The following FAM174B variants were observed in gnomAD, a reference collection of about 807,000 sequenced individuals.
FAM174B encodes the protein membrane protein FAM174B.
A neutral mutation model predicts 10.9 loss-of-function variants in FAM174B; 12 were observed. The ratio of observed to expected loss-of-function variants is 1.10; its 90% CI spans 0.71 to 1.79. The LOEUF is 1.79. Among genes scored for constraint, FAM174B ranks in the 40% most tolerant of loss-of-function variants. The pLI is 0.00. For synonymous variants in FAM174B, 132 were observed against 115.8 expected (o/e 1.14, Z -0.90); for missense variants, 266 against 233.3 (o/e 1.14, Z -0.91).
intron 1 of FAM174B, among the ~76,000 whole-genome samples, chr15:92,641,757 T>C (rs1425932281): frequency 1.3e-5 from 2 of 152,000 alleles, no homozygotes; most frequent in East Asian, 1.9e-4. Context: ...GATTAGACAA[T>C]GGCTTATTAA....
chr15:92,620,204 C>G lies in FAM174B; in HGVS notation c.477-745G>C, dbSNP rs558326643. ...GGGCCCACACCACAGTGTCAGAAAA[C>G]ATAAGAAGTACAAGAAATAAGTTTA... On this transcript the variant is annotated intron_variant, in intron 2 of 2. Transcript: ENST00000327355. 1.7e-4 allele frequency among the ~76,000 whole-genome samples: 26 copies of G among 152,324 alleles called. No individual in the cohort carries two copies. The South Asian group carries it at 2.5e-3, about 15-fold the overall frequency.
chr15:92,643,038 T>C (rs187903506), intron 1 of FAM174B, among the ~76,000 whole-genome samples: 8 of 152,340 alleles, frequency 5.3e-5, no homozygotes, highest in Admixed American at 2.0e-4. Flanking sequence ...GATTCATGGT[T>C]TCAGTCTGGA....
chr15:92,643,182 T>C (rs2141961398), intron 1 of FAM174B, among the ~76,000 whole-genome samples: 1 of 152,086 alleles, frequency 6.6e-6, no homozygotes, highest in East Asian at 1.9e-4. Flanking sequence ...TTGACCAGGC[T>C]GGTCCAAACT....
chr15:92,655,168 C>G, intron 1 of FAM174B, 148 bp downstream of exon 1: 1 of 1,172,270 alleles, frequency 8.5e-7, no homozygotes, highest in Non-Finnish European at 1.1e-6. Context: ...GCCCCCCACC[C>G]ACTCTCCCGG....
intron 1 of FAM174B, 120 bp downstream of exon 1, chr15:92,655,196 C>A: frequency 2.2e-6 from 3 of 1,369,356 alleles, no homozygotes; most frequent in Non-Finnish European, 2.8e-6. Context: ...AGGAGGCACA[C>A]GGCTGGCTGG....
At chr15:92,640,924 C>G (rs958087643) in intron 1 of FAM174B, among the ~76,000 whole-genome samples, 1 of 152,094 alleles carries the variant, frequency 6.6e-6, no homozygotes, top group East Asian at 1.9e-4. Flanking sequence ...GGATTACAGG[C>G]ATGAGCCACC....
At chr15:92,653,970 G>C (rs889795114) in intron 1 of FAM174B, among the ~76,000 whole-genome samples, 2 of 152,238 alleles carry the variant, frequency 1.3e-5, no homozygotes, top group African/African-American at 4.8e-5. Flanking sequence ...AGGCCAGTGG[G>C]TAGAGTGGGA....
chr15:92,647,631 C>T (rs1374325737), intron 1 of FAM174B, among the ~76,000 whole-genome samples: 2 of 152,172 alleles, frequency 1.3e-5, no homozygotes, highest in Admixed American at 6.5e-5. Context: ...CAAAACAAGG[C>T]TCTTTGTGGC....
At chr15:92,642,811 T>A (rs940846435) in intron 1 of FAM174B, among the ~76,000 whole-genome samples, 2 of 152,066 alleles carry the variant, frequency 1.3e-5, no homozygotes, top group African/African-American at 4.8e-5. Flanking sequence ...GATGAATGGG[T>A]AAATAAAAGA....
At chr15:92,637,055 G>A (rs1223352749) in intron 1 of FAM174B, among the ~76,000 whole-genome samples, 1 of 152,214 alleles carries the variant, frequency 6.6e-6, no homozygotes, top group Non-Finnish European at 1.5e-5. Context: ...TGCCCTGGGT[G>A]AAGCCCCTCC....
intron 1 of FAM174B, among the ~76,000 whole-genome samples, chr15:92,653,881 C>T (rs550194193): frequency 6.6e-6 from 1 of 152,238 alleles, no homozygotes; most frequent in African/African-American, 2.4e-5. Context: ...CTTGCAAGGG[C>T]CCCAAATGCC....
At chr15:92,650,175 T>C (rs2050956687) in intron 1 of FAM174B, among the ~76,000 whole-genome samples, 1 of 152,224 alleles carries the variant, frequency 6.6e-6, no homozygotes, top group African/African-American at 2.4e-5. Flanking sequence ...ACTTTTCTTA[T>C]AACAAATGTA....
intron 1 of FAM174B, among the ~76,000 whole-genome samples, chr15:92,651,019 A>C (rs929621673): frequency 6.6e-6 from 1 of 152,250 alleles, no homozygotes; most frequent in African/African-American, 2.4e-5. Context: ...GATTCTACAG[A>C]TGGGGAAATC....
intron 1 of FAM174B, among the ~76,000 whole-genome samples, chr15:92,631,453 AAT>A (rs2050816805): frequency 1.6e-5 from 1 of 63,316 alleles, no homozygotes; most frequent in East Asian, 4.3e-4. Context: ...TATATAACAT[AAT>A]ATATATTATA....
At chr15:92,627,029 G>A (rs1185927032) in intron 2 of FAM174B, 1 of 152,006 alleles carries the variant, frequency 6.6e-6, no homozygotes, top group Non-Finnish European at 1.5e-5. Flanking sequence ...TCTGGCCCGG[G>A]CGGCAGAGCG....
At chr15:92,630,845 CATATTACA>C (rs2050791789) in intron 1 of FAM174B, among the ~76,000 whole-genome samples, 1 of 22,330 alleles carries the variant, frequency 4.5e-5, no homozygotes, top group Non-Finnish European at 2.5e-4. Context: ...ATATATATTA[CATATTACA>C]TGTTACATAT....
intron 1 of FAM174B, among the ~76,000 whole-genome samples, chr15:92,638,139 C>T (rs575695674): frequency 1.3e-5 from 2 of 152,278 alleles, no homozygotes; most frequent in South Asian, 4.2e-4. Context: ...CTACTGTTAA[C>T]CAGGAGGCCT....
chr15:92,645,889 G>A (rs138848249), intron 1 of FAM174B, among the ~76,000 whole-genome samples: 129 of 152,262 alleles, frequency 8.5e-4, no homozygotes, highest in Non-Finnish European at 1.6e-3. Flanking sequence ...CTAGGCAGAT[G>A]CTCCCAATGC....
At chr15:92,631,421 ATATAT>A (rs2050815129) in intron 1 of FAM174B, among the ~76,000 whole-genome samples, 1 of 43,974 alleles carries the variant, frequency 2.3e-5, no homozygotes, top group South Asian at 4.5e-4. Flanking sequence ...ATAATATATA[ATATAT>A]AATATAATAT....
Sources: allele counts gnomAD v4.1 joint callset (sites outside exome capture counted in the v4.1 genomes callset), GRCh38; gene constraint gnomAD v4.1.1; transcripts MANE v1.5; gene names NCBI Gene and HGNC (gene_info 2026-07-23, HGNC 2026-07-21).